CACNA2D1: variants seen among roughly 807,000 people sequenced by gnomAD.
The protein encoded by CACNA2D1 is voltage-dependent calcium channel subunit alpha-2/delta-1.
Under a neutral mutation model 171.5 loss-of-function variants are expected in CACNA2D1, and 53 were observed. The ratio of observed to expected loss-of-function variants is 0.31; its 90% CI spans 0.25 to 0.39. The LOEUF (loss-of-function observed/expected upper bound fraction) is 0.39, where lower values mean the gene tolerates loss of function less well. Ranked by LOEUF, CACNA2D1 falls within the 10% of genes least tolerant of loss-of-function variation. The probability of loss-of-function intolerance (pLI) is 1.00; values close to 1 mark genes in which losing one functional copy is unlikely to be tolerated. For synonymous variants in CACNA2D1, 442 were observed against 443.1 expected, an observed-to-expected ratio of 1.00 and a Z score of 0.03; for missense variants, 903 against 1,299.8, an observed-to-expected ratio of 0.69 and a Z score of 4.69.
chr7:82,381,065 C>T (rs931466819), intron 1 of CACNA2D1, among the ~76,000 whole-genome samples: 2 of 151,950 alleles, frequency 1.3e-5, no homozygotes, highest in Non-Finnish European at 2.9e-5. Flanking sequence ...GTAATCCCAG[C>T]ACTCTGGGAG....
intron 9 of CACNA2D1, among the ~76,000 whole-genome samples, 164 bp from the exon 10 acceptor site, chr7:82,060,691 A>G (rs935333278): frequency 1.3e-5 from 2 of 152,056 alleles, no homozygotes; most frequent in African/African-American, 4.8e-5. Flanking sequence ...TTTTGATAGA[A>G]GTGGAAATTA....
In CACNA2D1 at chr7:82,113,820, A is replaced by T. The variant is rs376295149; in HGVS notation, c.526+3224T>A. 1.3e-3 allele frequency among the ~76,000 whole-genome samples: 198 copies of T among 152,286 alleles called. 8 individuals carry two copies. The South Asian group carries it at 0.041, about 31-fold the overall frequency. On this transcript the variant is annotated intron_variant, in intron 6 of 38. Transcript: ENST00000356860. ...CTGATTTCATTCCTGTCATTTATTC[A>T]TGCAGCTTATAACATTGGACATGAA...
intron 3 of CACNA2D1, among the ~76,000 whole-genome samples, chr7:82,209,829 T>A (rs1311165598): frequency 6.6e-6 from 1 of 152,168 alleles, no homozygotes; most frequent in Non-Finnish European, 1.5e-5. Flanking sequence ...TGCCTCTTTG[T>A]TTCTAAAAAT....
chr7:82,407,117 C>T (rs1013825521), intron 1 of CACNA2D1, among the ~76,000 whole-genome samples: 9 of 152,140 alleles, frequency 5.9e-5, no homozygotes, highest in Admixed American at 3.3e-4. Flanking sequence ...AGTTGCAGCA[C>T]GGCTCAAATT....
chr7:82,336,790 A>T (rs1412453674), intron 2 of CACNA2D1, among the ~76,000 whole-genome samples: 2 of 152,190 alleles, frequency 1.3e-5, no homozygotes, highest in Admixed American at 6.6e-5. Context: ...ACTTTAATTG[A>T]TCCAGGATAT....
chr7:82,156,252 A>T (rs569582606), intron 4 of CACNA2D1, among the ~76,000 whole-genome samples: 1 of 152,314 alleles, frequency 6.6e-6, no homozygotes, highest in South Asian at 2.1e-4. Context: ...AGTTACAATC[A>T]GTGTCATCAT....
chr7:82,009,542 A>G (rs1402187709), intron 15 of CACNA2D1, among the ~76,000 whole-genome samples: 4 of 152,138 alleles, frequency 2.6e-5, no homozygotes, highest in Non-Finnish European at 5.9e-5. Flanking sequence ...GCTATAATCT[A>G]TATGCATGGT....
At chr7:82,050,634 A>G (rs1309365943) in intron 10 of CACNA2D1, 1 of 702,750 alleles carries the variant, frequency 1.4e-6, no homozygotes, top group Admixed American at 2.0e-5. Flanking sequence ...CTATCCTGGA[A>G]TGCAAATAAA....
At chr7:82,066,580 A>T (rs1032558018) in intron 7 of CACNA2D1, 56 bp from the exon 8 acceptor site, 46 of 1,540,476 alleles carry the variant, frequency 3.0e-5, no homozygotes, top group Admixed American at 1.8e-4. Flanking sequence ...ATGCTCTAAA[A>T]ATAATGAGAC....
At chr7:82,160,289 C>T (rs907796009) in intron 4 of CACNA2D1, among the ~76,000 whole-genome samples, 3 of 151,944 alleles carry the variant, frequency 2.0e-5, no homozygotes, top group Non-Finnish European at 4.4e-5. Context: ...TTAGAGCATT[C>T]TACCACCTCC....
chr7:82,223,199 C>T (rs1210641782), intron 3 of CACNA2D1, among the ~76,000 whole-genome samples: 1 of 152,176 alleles, frequency 6.6e-6, no homozygotes. Context: ...AGCCACCGCG[C>T]TCAGCCAGTA....
chr7:82,134,570 G>A (rs1229421933), intron 5 of CACNA2D1, among the ~76,000 whole-genome samples: 4 of 152,136 alleles, frequency 2.6e-5, no homozygotes, highest in African/African-American at 4.8e-5. Context: ...AAATTTAAAT[G>A]TGGACATTTT....
At chr7:82,144,211 A>T (rs1448087090) in intron 4 of CACNA2D1, among the ~76,000 whole-genome samples, 1 of 152,086 alleles carries the variant, frequency 6.6e-6, no homozygotes, top group Non-Finnish European at 1.5e-5. Context: ...GCTAGTAAGA[A>T]TTTGGTTTCC....
intron 4 of CACNA2D1, among the ~76,000 whole-genome samples, chr7:82,166,313 T>C (rs1795448992): frequency 6.6e-6 from 1 of 152,016 alleles, no homozygotes; most frequent in Admixed American, 6.6e-5. Flanking sequence ...CTAATTTACT[T>C]TGTGAAGCTG....
At chr7:82,132,035 A>G (rs529243054) in intron 5 of CACNA2D1, among the ~76,000 whole-genome samples, 1 of 152,328 alleles carries the variant, frequency 6.6e-6, no homozygotes, top group South Asian at 2.1e-4. Context: ...GTTAACTAGA[A>G]TATCAAAGTA....
Position 82,087,213 on chromosome 7 carries a change from A to G in CACNA2D1, c.527-2313T>C, listed in dbSNP as rs936692741. Among the ~76,000 whole-genome samples, 6 of 152,162 alleles carry G rather than the reference A, an allele frequency of 3.9e-5. No homozygotes were observed. The South Asian group carries it at 8.3e-4, about 21-fold the overall frequency. On this transcript the variant is annotated intron_variant, in intron 6 of 38. Transcript: ENST00000356860. ...AATACAGACACTTCCATGTGTTAGT[A>G]TATAGTTGCAGGGACTTTTAAATGC...
chr7:82,198,691 T>G (rs1296696748), intron 3 of CACNA2D1, among the ~76,000 whole-genome samples: 1 of 151,104 alleles, frequency 6.6e-6, no homozygotes, highest in Admixed American at 6.6e-5. Context: ...TTTAAGTGGA[T>G]ACCCTTGCTT....
chr7:81,953,829 A>C (rs1792890825), intron 38 of CACNA2D1, among the ~76,000 whole-genome samples: 1 of 152,164 alleles, frequency 6.6e-6, no homozygotes, highest in South Asian at 2.1e-4. Context: ...TACTCTACAA[A>C]TGTGTTATGG....
At chr7:82,026,629 A>G (rs999108536) in intron 12 of CACNA2D1, among the ~76,000 whole-genome samples, 2 of 151,726 alleles carry the variant, frequency 1.3e-5, no homozygotes, top group Non-Finnish European at 3.0e-5. Flanking sequence ...AGATAACAAT[A>G]AACAATTATC....
Sources: gnomAD v4.1 joint callset for allele counts (sites outside exome capture counted in the v4.1 genomes callset) on GRCh38, gnomAD v4.1.1 for gene constraint, MANE v1.5 for transcripts, NCBI Gene and HGNC (gene_info 2026-07-23, HGNC 2026-07-21) for gene names.